The following LMO7 variants were observed in gnomAD, a reference collection of about 807,000 sequenced individuals.
LMO7 encodes LIM domain only protein 7.
LMO7 carries 120 observed loss-of-function variants against 206.5 expected under a neutral mutation model. That is an observed-to-expected ratio of 0.58 (90% CI 0.50 to 0.68). LMO7 has a LOEUF of 0.68. Ranked by LOEUF, LMO7 falls within the 30% of genes least tolerant of loss-of-function variation. The pLI is 0.00. For missense variants in LMO7, 1,959 were observed against 1,957.9 expected, an observed-to-expected ratio of 1.00 and a Z score of -0.01; for synonymous variants, 706 against 681.5, an observed-to-expected ratio of 1.04 and a Z score of -0.56.
At chr13:75,689,586 C>A (rs1243530301) in intron 1 of LMO7, among the ~76,000 whole-genome samples, 2 of 152,148 alleles carry the variant, frequency 1.3e-5, no homozygotes, top group African/African-American at 4.8e-5. Context: ...TCTGGGTGGG[C>A]ACCATCTAAT....
chr13:75,701,441 T>C (rs2025354), intron 1 of LMO7, among the ~76,000 whole-genome samples: 75,637 of 152,074 alleles, frequency 0.5, 20,198 homozygotes, highest in African/African-American at 0.7. Flanking sequence ...AGCGATGCCT[T>C]TCCTAGTAAT....
intron 2 of LMO7, among the ~76,000 whole-genome samples, chr13:75,717,090 G>A (rs1278737547): frequency 7.2e-5 from 11 of 151,896 alleles, no homozygotes; most frequent in African/African-American, 2.4e-4. Context: ...TCGGCCGGGC[G>A]CGGTGGCTCA....
At chr13:75,735,428 A>C (rs1427192254) in intron 3 of LMO7, among the ~76,000 whole-genome samples, 1 of 152,046 alleles carries the variant, frequency 6.6e-6, no homozygotes, top group Non-Finnish European at 1.5e-5. Flanking sequence ...TTTGTTATTT[A>C]AGGAATAAAA....
intron 1 of LMO7, among the ~76,000 whole-genome samples, chr13:75,668,622 A>G (rs1414484765): frequency 6.6e-6 from 1 of 152,204 alleles, no homozygotes; most frequent in Non-Finnish European, 1.5e-5. Context: ...CACTTCCAGT[A>G]AATGCCTGCT....
intron 4 of LMO7, among the ~76,000 whole-genome samples, chr13:75,782,263 A>G (rs2051608035): frequency 6.6e-6 from 1 of 152,230 alleles, no homozygotes; most frequent in Non-Finnish European, 1.5e-5. Flanking sequence ...TTAGCTGTAG[A>G]TGAGGATTAA....
intron 27 of LMO7, among the ~76,000 whole-genome samples, chr13:75,852,247 TAAAC>T (rs1046944847): frequency 4.6e-5 from 7 of 152,142 alleles, no homozygotes; most frequent in Non-Finnish European, 7.4e-5. Context: ...AAAATAAAAA[TAAAC>T]AAAGGTGTTC....
intron 3 of LMO7, among the ~76,000 whole-genome samples, chr13:75,757,007 A>T (rs1437963506): frequency 6.6e-6 from 1 of 152,144 alleles, no homozygotes; most frequent in Admixed American, 6.6e-5. Context: ...GTTCTTTTGT[A>T]CCTACATGGA....
At chr13:75,765,586 A>G (rs989718174) in intron 4 of LMO7, among the ~76,000 whole-genome samples, 2 of 152,052 alleles carry the variant, frequency 1.3e-5, no homozygotes, top group African/African-American at 4.8e-5. Flanking sequence ...ACTGGAAGGG[A>G]TGGAACATTA....
chr13:75,688,564 ATGT>A (rs538557946), intron 1 of LMO7: 40 of 152,486 alleles, frequency 2.6e-4, no homozygotes, highest in African/African-American at 9.4e-4. Context: ...TATATATCCC[ATGT>A]TGTTTTTGGT....
At chr13:75,778,271 C>G (rs1291476242) in intron 4 of LMO7, among the ~76,000 whole-genome samples, 1 of 152,012 alleles carries the variant, frequency 6.6e-6, no homozygotes, top group Non-Finnish European at 1.5e-5. Context: ...CTTGCTCTGT[C>G]TCCCAGGCTG....
At chr13:75,699,312 T>C (rs986739849) in intron 1 of LMO7, among the ~76,000 whole-genome samples, 7 of 152,204 alleles carry the variant, frequency 4.6e-5, no homozygotes, top group African/African-American at 1.7e-4. Flanking sequence ...GCACCTGTCA[T>C]GCACTGTGGT....
chr13:75,740,094 G>C (rs1484283344), intron 3 of LMO7, among the ~76,000 whole-genome samples: 3 of 152,210 alleles, frequency 2.0e-5, no homozygotes. Context: ...TATGGTTGAA[G>C]AGAAAATACT....
intron 15 of LMO7, among the ~76,000 whole-genome samples, chr13:75,824,672 T>C (rs1282045633): frequency 6.6e-6 from 1 of 152,138 alleles, no homozygotes; most frequent in African/African-American, 2.4e-5. Flanking sequence ...ATTTTGATAG[T>C]TGTATGAACC....
rs1352969977 is a variant in LMO7, at chr13:75,858,705, A to G, written c.*762A>G. ...AGTGGGTCGTCTTTTTCTTAGGTGT[A>G]TGTGTCTGACCTCAGGCCTTTTAGC... On this transcript the variant is annotated 3_prime_UTR_variant, in exon 31 of 31. Coordinates refer to ENST00000377534, the MANE Select transcript of LMO7 (RefSeq NM_001306080.2). The G allele has an allele frequency of 6.6e-6, 1 of 152,560 alleles. No individual in the cohort carries two copies. The highest frequency in any genetic ancestry group is 1.5e-5 in the Non-Finnish European group (1 of 68,020). 9.5% of individuals were successfully genotyped at this position (152,560 alleles called of 1,614,324 possible).
At chr13:75,784,489 T>C (rs2052080651) in intron 4 of LMO7, among the ~76,000 whole-genome samples, 1 of 152,206 alleles carries the variant, frequency 6.6e-6, no homozygotes. Context: ...GAATAATTTA[T>C]TTTTAAGTAA....
intron 8 of LMO7, chr13:75,804,979 C>A (rs2141009267): frequency 1.0e-6 from 1 of 998,748 alleles, no homozygotes. Context: ...GGTTCGGACT[C>A]TGAGGATGAA....
chr13:75,775,856 C>T (rs1439224483), intron 4 of LMO7, among the ~76,000 whole-genome samples: 1 of 151,640 alleles, frequency 6.6e-6, no homozygotes, highest in African/African-American at 2.4e-5. Flanking sequence ...TGACACGATG[C>T]TGTTGGTGGG....
At chr13:75,675,841 C>G (rs2039958390) in intron 1 of LMO7, among the ~76,000 whole-genome samples, 1 of 151,904 alleles carries the variant, frequency 6.6e-6, no homozygotes, top group Non-Finnish European at 1.5e-5. Flanking sequence ...ATAAATTGCC[C>G]CCTGGATGGA....
intron 20 of LMO7, 105 bp downstream of exon 20, chr13:75,838,301 T>A (rs780383531): frequency 6.4e-7 from 1 of 1,551,322 alleles, no homozygotes; most frequent in South Asian, 1.2e-5. Context: ...TCAATTTGTC[T>A]GTCATTATGA....
Sources: gnomAD v4.1 joint callset for allele counts (sites outside exome capture counted in the v4.1 genomes callset) on GRCh38, gnomAD v4.1.1 for gene constraint, MANE v1.5 for transcripts, NCBI Gene and HGNC (gene_info 2026-07-23, HGNC 2026-07-21) for gene names.